SLC19A1: variants seen among roughly 807,000 people sequenced by gnomAD.
The protein encoded by SLC19A1 is solute carrier family 19 member 1, also known as reduced folate transporter.
A neutral mutation model predicts 35.3 loss-of-function variants in SLC19A1; 37 were observed. That is an observed-to-expected ratio of 1.05 (90% CI 0.81 to 1.38). The LOEUF (loss-of-function observed/expected upper bound fraction) is 1.38, where lower values mean the gene tolerates loss of function less well. SLC19A1 is among the 40% of genes most tolerant of loss of function. SLC19A1 has a pLI of 0.00. For synonymous variants in SLC19A1, 460 were observed against 398.5 expected (o/e 1.15, Z -1.84); for missense variants, 831 against 826.9 (o/e 1.00, Z -0.06).
chr21:45,550,268 C>G (rs982522093), intron 1 of SLC19A1, among the ~76,000 whole-genome samples: 2 of 152,132 alleles, frequency 1.3e-5, no homozygotes, highest in African/African-American at 4.8e-5. Flanking sequence ...CTGATGAGAC[C>G]TCTGAGCCCC....
At chr21:45,521,320 C>T (rs1043048898) in intron 5 of SLC19A1, among the ~76,000 whole-genome samples, 2 of 152,178 alleles carry the variant, frequency 1.3e-5, no homozygotes, top group Non-Finnish European at 2.9e-5. Context: ...AAACTAAAAA[C>T]ATGTATAGTA....
intron 3 of SLC19A1, chr21:45,505,697 C>T (rs1690287019): frequency 4.1e-6 from 3 of 737,414 alleles, no homozygotes; most frequent in African/African-American, 1.7e-5. Flanking sequence ...CCATGGTGCT[C>T]ATGGGGGCAG....
chr21:45,504,013 C>T, intron 3 of SLC19A1: 3 of 1,613,662 alleles, frequency 1.9e-6, no homozygotes, highest in South Asian at 1.1e-5. Flanking sequence ...TCTTGCAGGG[C>T]AGTTTCCGTT....
intron 3 of SLC19A1, chr21:45,506,161 G>A: frequency 1.3e-6 from 1 of 766,604 alleles, no homozygotes; most frequent in South Asian, 1.7e-5. Context: ...AGAAAAGTGA[G>A]CTCAAGCTTC....
At position 45,530,423 on chromosome 21, in the gene SLC19A1, G is replaced by A. The variant is rs940067576; in HGVS notation, c.1151+347C>T. 6.6e-6 allele frequency among the ~76,000 whole-genome samples: 1 copy of A among 152,126 alleles called. No homozygotes were observed. Among genetic ancestry groups the A allele is most frequent in the Non-Finnish European group, 1.5e-5 (1 of 68,010 alleles). Reference sequence around the variant, plus strand: ...TGTGGTGTGAGTGCCTGGTGTGAGTGTAAGCTGAGGATGAACTCACACAGG... The same window carrying A: ...TGTGGTGTGAGTGCCTGGTGTGAGTATAAGCTGAGGATGAACTCACACAGG... On this transcript the variant is annotated intron_variant, in intron 4 of 5. Coordinates refer to ENST00000311124, the MANE Select transcript of SLC19A1 (RefSeq NM_194255.4). The surrounding 1 kb of genome is among the most constrained non-coding windows in gnomAD (Gnocchi z 5.3).
chr21:45,530,982 AG>A lies in SLC19A1; in HGVS notation c.950-12del. The A allele has an allele frequency of 9.7e-7, 1 of 1,028,770 alleles. No homozygotes were observed. 63.7% of individuals were successfully genotyped at this position (1,028,770 alleles called of 1,614,324 possible). On this transcript the variant is annotated splice_polypyrimidine_tract_variant and intron_variant, in intron 3 of 5. Coordinates refer to ENST00000311124, the MANE Select transcript of SLC19A1 (RefSeq NM_194255.4). This position sits in a 1 kb window ranked among gnomAD's most constrained non-coding sequence, Gnocchi z 5.3. ...AGGACGTGATGGCGCCTGAGAGGGG[AG>A]GGATGGGGCGTTGCAGCGGCCCTGG...
chr21:45,546,884 A>G (rs2078421403), upstream of SLC19A1, among the ~76,000 whole-genome samples: 1 of 152,212 alleles, frequency 6.6e-6, no homozygotes, highest in Non-Finnish European at 1.5e-5. Context: ...CTTGGTTGCA[A>G]GCAAGCTATC....
rs569708354 is a variant in SLC19A1, at chr21:45,515,268, G to A, written c.*390C>T. On this transcript the variant is annotated 3_prime_UTR_variant, in exon 6 of 6. Transcript: ENST00000311124. ...GTCCCGGCTCCCACCCTGCCCTAGA[G>A]GGCTCACAACTCCTGTGGGGCCAGT... The A allele has an allele frequency of 1.9e-5, 28 of 1,491,668 alleles. No individual in the cohort carries two copies. Among genetic ancestry groups the A allele is most frequent in the Admixed American group, 5.3e-5 (2 of 37,456 alleles). The allele number at this position is 1,491,668 out of a possible 1,614,324, so 92.4% of individuals were successfully genotyped here.
At position 45,532,066 on chromosome 21, in the gene SLC19A1, C is replaced by T. The variant is rs1482122121; in HGVS notation, c.272G>A (p.Arg91His). The T allele has an allele frequency of 2.5e-6, 4 of 1,612,348 alleles. No homozygotes were observed. The highest frequency in any genetic ancestry group is 1.1e-5 in the South Asian group (1 of 91,064). The change falls in exon 3 of 6, where the codon CGC (arginine) becomes CAC (histidine). Residue 91 changes from arginine to histidine, a missense_variant. Transcript: ENST00000311124. ...VPVFLLTDYL[R>H]YTPVLLLQGL... ...CTGCAGCAGCAGCACCGGCGTGTAG[C>T]GCAGGTAGTCGGTGAGCAGGAACAC...
upstream of SLC19A1, among the ~76,000 whole-genome samples, chr21:45,546,827 G>A (rs374456061): frequency 6.6e-5 from 10 of 152,300 alleles, no homozygotes; most frequent in Admixed American, 5.9e-4. Flanking sequence ...ACATCCTGCG[G>A]TCGGAGGAGG....
chr21:45,531,898 G>A lies in SLC19A1; in HGVS notation c.440C>T (p.Ala147Val), dbSNP rs1449625082. 4 of 1,589,098 alleles carry A rather than the reference G, an allele frequency of 2.5e-6. No individual in the cohort carries two copies. The highest frequency in any genetic ancestry group is 3.4e-6 in the Non-Finnish European group (4 of 1,168,582). The part of the protein sequence containing the change: ...SSYIFSLVRP[A>V]RYQRVAGYSR... ...GTAGCCGGCCACACGCTGGTAGCGC[G>A]CGGGCCGCACGAGAGAGAAGATGTA... The change falls in exon 3 of 6, where the codon GCG (alanine) becomes GTG (valine). Residue 147 changes from alanine to valine, a missense_variant. Coordinates refer to ENST00000311124, the MANE Select transcript of SLC19A1 (RefSeq NM_194255.4).
At chr21:45,507,519 G>A in intron 3 of SLC19A1, 1 of 1,601,014 alleles carries the variant, frequency 6.2e-7, no homozygotes, top group Non-Finnish European at 8.5e-7. Context: ...CCTGGCTCAG[G>A]CCCAGCCGCA....
At chr21:45,555,132 G>C in intron 1 of SLC19A1, among the ~76,000 whole-genome samples, 1 of 139,868 alleles carries the variant, frequency 7.1e-6, no homozygotes, top group African/African-American at 2.7e-5. Flanking sequence ...CAGCAGCCTC[G>C]CGACGCAGGG....
chr21:45,538,087 C>A (rs2146431203), intron 1 of SLC19A1, 79 bp from the exon 2 acceptor site: 1 of 774,788 alleles, frequency 1.3e-6, no homozygotes, highest in South Asian at 2.0e-5. Flanking sequence ...GGCCCAGTGC[C>A]GGCCTCCTCG....
At chr21:45,526,034 G>T (rs1478040139) in intron 4 of SLC19A1, 76 bp from the exon 5 acceptor site, 2 of 1,520,970 alleles carry the variant, frequency 1.3e-6, no homozygotes, top group African/African-American at 2.7e-5. Flanking sequence ...CTGCAGCCCG[G>T]CTCCCACCAG....
In SLC19A1 at chr21:45,514,608, T is replaced by G; in HGVS notation, c.*1050A>C. 1 of 189,744 alleles carries G rather than the reference T, an allele frequency of 5.3e-6. No individual in the cohort carries two copies. Among genetic ancestry groups the G allele is most frequent in the East Asian group, 1.2e-4 (1 of 8,100 alleles). 11.8% of individuals were successfully genotyped at this position (189,744 alleles called of 1,614,324 possible). On this transcript the variant is annotated 3_prime_UTR_variant, in exon 6 of 6. Coordinates refer to ENST00000311124, the MANE Select transcript of SLC19A1 (RefSeq NM_194255.4). ...AGCTCATGGGCACCAAGGCCCTGCG[T>G]GGGCTGGAGGCGGGAGAAGGCTGGG... is the stretch of plus-strand genomic sequence containing the variant.
At chr21:45,562,241 A>G (rs1049461295) in intron 1 of SLC19A1, among the ~76,000 whole-genome samples, 3 of 152,114 alleles carry the variant, frequency 2.0e-5, no homozygotes, top group Admixed American at 2.0e-4. Context: ...ACCAAAATCT[A>G]TGTTTGTGGA....
At chr21:45,504,685 C>T (rs1427798402) in intron 3 of SLC19A1, 16 of 791,974 alleles carry the variant, frequency 2.0e-5, no homozygotes, top group Non-Finnish European at 3.1e-5. Flanking sequence ...GCAGCCCCGA[C>T]ATGTCCCTGT....
chr21:45,560,115 G>A (rs2078600726), intron 1 of SLC19A1, among the ~76,000 whole-genome samples: 2 of 151,790 alleles, frequency 1.3e-5, no homozygotes, highest in Admixed American at 6.5e-5. Context: ...GGGGAGCCCT[G>A]GGGTCACTCA....
Sources: allele counts gnomAD v4.1 joint callset (sites outside exome capture counted in the v4.1 genomes callset), GRCh38; gene constraint gnomAD v4.1.1; non-coding constraint Gnocchi (gnomAD v3.1); transcripts MANE v1.5; gene names NCBI Gene and HGNC (gene_info 2026-07-23, HGNC 2026-07-21).